Variants in BBS9 observed in about 807,000 individuals in gnomAD.
The protein encoded by BBS9 is protein PTHB1.
BBS9 carries 89 observed loss-of-function variants against 117.7 expected under a neutral mutation model. That is an observed-to-expected ratio of 0.76 (90% CI 0.64 to 0.90). BBS9 has a LOEUF of 0.90. Ranked by LOEUF, BBS9 falls within the 40% of genes least tolerant of loss-of-function variation. BBS9 has a pLI of 0.00. For synonymous variants in BBS9, 379 were observed against 370.9 expected (o/e 1.02, Z -0.25); for missense variants, 982 against 1,042.2 (o/e 0.94, Z 0.80).
intron 9 of BBS9, among the ~76,000 whole-genome samples, chr7:33,302,104 T>C (rs568626065): frequency 1.3e-5 from 2 of 152,302 alleles, no homozygotes; most frequent in East Asian, 3.9e-4. Flanking sequence ...TCAGATCTTT[T>C]GCCCGTTTTT....
chr7:33,578,221 C>T (rs780149497), intron 21 of BBS9, among the ~76,000 whole-genome samples: 2 of 152,096 alleles, frequency 1.3e-5, no homozygotes, highest in Non-Finnish European at 2.9e-5. Flanking sequence ...AAGCTATTAC[C>T]ACCAGTGTGT....
chr7:33,428,719 A>C (rs1265075715), intron 19 of BBS9, among the ~76,000 whole-genome samples: 1 of 152,184 alleles, frequency 6.6e-6, no homozygotes, highest in Non-Finnish European at 1.5e-5. Context: ...TTTCAGTGAG[A>C]GTTCTAACAA....
At chr7:33,432,395 CA>C (rs201197463) in intron 19 of BBS9, among the ~76,000 whole-genome samples, 1,588 of 151,950 alleles carry the variant, frequency 0.01, 19 homozygotes, top group South Asian at 0.012. Context: ...AGGCATGAGC[CA>C]CCGCGCCCAG....
At position 33,349,271 on chromosome 7, in the gene BBS9, A is replaced by T. The variant is rs140791773; in HGVS notation, c.1432+101A>T. On this transcript the variant is annotated intron_variant, in intron 13 of 22. Coordinates refer to ENST00000242067, the MANE Select transcript of BBS9 (RefSeq NM_198428.3). ...TATTATTTCATGTCTGAATGGTGAG[A>T]TTGGGATCGTCCCAAAATCAATGAT... 5.8e-3 allele frequency: 4,893 copies of T among 850,052 alleles called. 232 individuals are homozygous for T. In the East Asian group the frequency reaches 0.09, roughly 16 times the overall value. The allele number at this position is 850,052 out of a possible 1,614,324, so 52.7% of individuals were successfully genotyped here. A position where few individuals can be genotyped will look rare whatever the true frequency, so the allele number is the denominator to read the frequency against.
intron 18 of BBS9, among the ~76,000 whole-genome samples, chr7:33,386,371 G>GT (rs1280302468): frequency 2.0e-5 from 3 of 151,944 alleles, no homozygotes. Flanking sequence ...GTTTATTACT[G>GT]TTTTGTAAAG....
intron 4 of BBS9, among the ~76,000 whole-genome samples, chr7:33,172,607 C>G (rs1796760163): frequency 6.6e-6 from 1 of 152,150 alleles, no homozygotes; most frequent in African/African-American, 2.4e-5. Flanking sequence ...ACATAACACA[C>G]ATGGACATGA....
At chr7:33,625,171 A>T (rs1457872013) in intron 21 of BBS9, among the ~76,000 whole-genome samples, 1 of 152,214 alleles carries the variant, frequency 6.6e-6, no homozygotes, top group Non-Finnish European at 1.5e-5. Context: ...ACAAAATTAT[A>T]GTACCTTGGG....
At chr7:33,318,696 C>T (rs1584294729) in intron 9 of BBS9, among the ~76,000 whole-genome samples, 1 of 152,238 alleles carries the variant, frequency 6.6e-6, no homozygotes, top group South Asian at 2.1e-4. Flanking sequence ...GCAGTATACA[C>T]TGAACCCAAT....
At chr7:33,455,022 G>A (rs1838435040) in intron 19 of BBS9, among the ~76,000 whole-genome samples, 1 of 152,142 alleles carries the variant, frequency 6.6e-6, no homozygotes, top group Non-Finnish European at 1.5e-5. Flanking sequence ...TTTTTCTTTT[G>A]TAAAGGAGGA....
At chr7:33,497,943 T>C (rs999716644) in intron 19 of BBS9, among the ~76,000 whole-genome samples, 1 of 152,172 alleles carries the variant, frequency 6.6e-6, no homozygotes, top group African/African-American at 2.4e-5. Context: ...AGAATTTTCC[T>C]GGTGTTACTA....
At chr7:33,273,218 A>G in intron 8 of BBS9, 23 bp downstream of exon 8, 1 of 1,612,346 alleles carries the variant, frequency 6.2e-7, no homozygotes, top group African/African-American at 1.3e-5. Flanking sequence ...ATTTTCTTTT[A>G]TCTCTTCCAT....
intron 5 of BBS9, among the ~76,000 whole-genome samples, chr7:33,256,490 C>CT (rs1001315348): frequency 2.4e-4 from 35 of 148,578 alleles, no homozygotes; most frequent in South Asian, 6.4e-4. Flanking sequence ...CTCTTTTTTT[C>CT]TTTTTTTTTA....
At chr7:33,504,968 A>G (rs1845940151) in intron 19 of BBS9, among the ~76,000 whole-genome samples, 1 of 152,150 alleles carries the variant, frequency 6.6e-6, no homozygotes, top group Non-Finnish European at 1.5e-5. Flanking sequence ...TAATAAAGAA[A>G]TATTAGATAT....
intron 5 of BBS9, among the ~76,000 whole-genome samples, chr7:33,191,059 C>T (rs1194681227): frequency 1.3e-5 from 2 of 152,108 alleles, no homozygotes; most frequent in Admixed American, 1.3e-4. Context: ...GTGAGGTGGC[C>T]TCAACCCAGA....
At chr7:33,197,748 C>T (rs542986835) in intron 5 of BBS9, among the ~76,000 whole-genome samples, 8 of 151,258 alleles carry the variant, frequency 5.3e-5, no homozygotes, top group African/African-American at 9.7e-5. Flanking sequence ...TTTATGTGGA[C>T]AATACAAAAA....
chr7:33,211,573 AATT>A (rs1788020448), intron 5 of BBS9, among the ~76,000 whole-genome samples: 1 of 151,674 alleles, frequency 6.6e-6, no homozygotes, highest in Non-Finnish European at 1.5e-5. Context: ...AATTTTTTGT[AATT>A]ATTATTTTTG....
intron 1 of BBS9, among the ~76,000 whole-genome samples, chr7:33,130,913 C>T (rs1789498548): frequency 1.3e-5 from 2 of 152,048 alleles, no homozygotes; most frequent in African/African-American, 4.8e-5. Context: ...TAGAAATGCT[C>T]ACTGAAGGGA....
chr7:33,445,517 C>T (rs1213649593), intron 19 of BBS9, among the ~76,000 whole-genome samples: 1 of 152,162 alleles, frequency 6.6e-6, no homozygotes, highest in East Asian at 1.9e-4. Context: ...AATAAGACCT[C>T]AGTGACCAGA....
intron 2 of BBS9, among the ~76,000 whole-genome samples, chr7:33,146,698 C>CAAAAAAAAAAAAAAAAAA (rs36056577): frequency 1.2e-5 from 1 of 81,308 alleles, no homozygotes; most frequent in Non-Finnish European, 2.3e-5. Context: ...GGCTCCATCT[C>CAAAAAAAAAAAAAAAAAA]AAAAAAAAAA....
Sources: allele counts gnomAD v4.1 joint callset (sites outside exome capture counted in the v4.1 genomes callset), GRCh38; gene constraint gnomAD v4.1.1; transcripts MANE v1.5; gene names NCBI Gene and HGNC (gene_info 2026-07-23, HGNC 2026-07-21).